Variants in ATRX observed in about 807,000 individuals in gnomAD.
ATRX encodes chromatin remodeler ATRX.
A neutral mutation model predicts 172.6 loss-of-function variants in ATRX; 12 were observed. The observed-to-expected ratio is 0.07, with a 90% CI of 0.04 to 0.11. The LOEUF is 0.11. Among genes scored for constraint, ATRX ranks in the 10% least tolerant of loss-of-function variants. ATRX has a pLI of 1.00. For synonymous variants in ATRX, 674 were observed against 594.7 expected, an observed-to-expected ratio of 1.13 and a Z score of -1.94; for missense variants, 1,368 against 1,767.4, an observed-to-expected ratio of 0.77 and a Z score of 4.05.
At position 77,682,124 on chromosome X, in the gene ATRX, C is replaced by G; in HGVS notation, c.3132G>C (p.Lys1044Asn). The stretch of plus-strand genomic sequence containing the variant: ...TTTTATCTCTTATTTTTTTACTTTT[C>G]TTTTCTCCATCAGTTGTTCCATTCT... Reference protein sequence around the residue: ...QIKNGTTDGEKKSKKIRDKTS... With the variant: ...QIKNGTTDGENKSKKIRDKTS... The change falls in exon 9 of 35, where the codon AAG (lysine) becomes AAC (asparagine). Residue 1044 changes from lysine to asparagine, a missense_variant. Around this residue, in one of 17 missense-constraint regions of ATRX, gnomAD observed 843 missense variants for 643.1 expected, o/e 1.31. Coordinates refer to ENST00000373344, the MANE Select transcript of ATRX (RefSeq NM_000489.6). 1 of 1,209,833 alleles carries G rather than the reference C, an allele frequency of 8.3e-7. No individual in the cohort carries two copies. The highest frequency in any genetic ancestry group is 1.1e-6 in the Non-Finnish European group (1 of 894,307).
intron 30 of ATRX, among the ~76,000 whole-genome samples, chrX:77,549,835 A>G (rs1029799594): frequency 2.7e-5 from 3 of 112,024 alleles, no homozygotes; most frequent in Non-Finnish European, 3.8e-5. Context: ...AAAATAATAA[A>G]GTGGACAGGC....
chrX:77,668,786 T>A (rs1313885307), intron 10 of ATRX, among the ~76,000 whole-genome samples: 3 of 79,961 alleles, frequency 3.8e-5, no homozygotes, highest in Non-Finnish European at 7.5e-5. Context: ...AAAGCACAAA[T>A]AAAATAATAA....
intron 2 of ATRX, chrX:77,698,967 T>C (rs782013697): frequency 4.2e-6 from 1 of 236,970 alleles, no homozygotes; most frequent in Non-Finnish European, 7.6e-6. Flanking sequence ...CAATAAAGTA[T>C]ATTTCATTTT....
chrX:77,651,961 A>C, intron 15 of ATRX, 153 bp downstream of exon 15: 1 of 501,040 alleles, frequency 2.0e-6, no homozygotes, highest in Non-Finnish European at 3.4e-6. Flanking sequence ...GAAATAAATT[A>C]AGGCTGGGTG....
intron 6 of ATRX, among the ~76,000 whole-genome samples, chrX:77,689,885 C>T (rs1387119242): frequency 1.8e-5 from 2 of 112,027 alleles, no homozygotes; most frequent in Admixed American, 9.5e-5. Context: ...ATTCAGAAGT[C>T]ACTCAAAATG....
In ATRX at chrX:77,629,324, T is replaced by C. The variant is rs191013640; in HGVS notation, c.5134+3883A>G. On this transcript the variant is annotated intron_variant, in intron 19 of 34. Coordinates refer to ENST00000373344, the MANE Select transcript of ATRX (RefSeq NM_000489.6). The stretch of plus-strand genomic sequence containing the variant: ...ACATGTACTGGAAAATTAAGTGTTA[T>C]ACTGAACAGATCCCTTCTAATAAAT... Among the ~76,000 whole-genome samples the C allele has an allele frequency of 2.1e-4, 24 of 112,731 alleles. No individual in the cohort carries two copies. In the East Asian group the frequency reaches 6.4e-3, roughly 30 times the overall value.
intron 6 of ATRX, among the ~76,000 whole-genome samples, chrX:77,693,448 C>T (rs782643050): frequency 2.7e-5 from 3 of 111,887 alleles, no homozygotes; most frequent in East Asian, 5.6e-4. Flanking sequence ...TGCAGATGTA[C>T]GTCACTCTAT....
Position 77,683,106 on chromosome X carries a change from G to A in ATRX, c.2150C>T (p.Pro717Leu), listed in dbSNP as rs372617572. ...AIDNPKPNKL[P>L]KSKQSETVDQ... ...CACAGTCTCTGATTGCTTAGATTTT[G>A]GCAATTTATTAGGCTTAGGATTATC... Residue 717 changes from proline (P) to leucine (L), a missense_variant, in exon 9 of 35, where the codon CCA becomes CTA. Around this residue, in one of 17 missense-constraint regions of ATRX, gnomAD observed 843 missense variants for 643.1 expected, o/e 1.31. Coordinates refer to ENST00000373344, the MANE Select transcript of ATRX (RefSeq NM_000489.6). 7.4e-6 allele frequency: 9 copies of A among 1,208,784 alleles called. No homozygotes were observed. In the African/African-American group the frequency reaches 1.6e-4, roughly 21 times the overall value.
At chrX:77,673,793 GT>G (rs1156624847) in intron 10 of ATRX, among the ~76,000 whole-genome samples, 1 of 110,512 alleles carries the variant, frequency 9.0e-6, no homozygotes, top group Non-Finnish European at 1.9e-5. Context: ...ATATATATAA[GT>G]ATATATGTTA....
At chrX:77,581,743 T>C (rs1378439192) in intron 27 of ATRX, among the ~76,000 whole-genome samples, 1 of 112,334 alleles carries the variant, frequency 8.9e-6, no homozygotes, top group Non-Finnish European at 1.9e-5. Context: ...TACACATTTT[T>C]TTCCTCAGCA....
At chrX:77,747,667 A>G (rs1343628173) in intron 1 of ATRX, among the ~76,000 whole-genome samples, 3 of 111,784 alleles carry the variant, frequency 2.7e-5, no homozygotes, top group African/African-American at 9.7e-5. Flanking sequence ...ATAAAACCTG[A>G]CCTCAAGGAG....
chrX:77,548,826 A>G, intron 30 of ATRX, among the ~76,000 whole-genome samples: 1 of 112,164 alleles, frequency 8.9e-6, no homozygotes, highest in African/African-American at 3.2e-5. Flanking sequence ...AAGAAAGGGG[A>G]GAACACTGCA....
chrX:77,522,242 C>T, intron 32 of ATRX, 21 bp downstream of exon 32: 1 of 1,210,118 alleles, frequency 8.3e-7, no homozygotes, highest in Non-Finnish European at 1.1e-6. Context: ...TGTCAAACTA[C>T]TTTTGTACTT....
At chrX:77,735,218 TTGGGAGGCCGAGACGGCCAGAC>T (rs2074487522) in intron 1 of ATRX, among the ~76,000 whole-genome samples, 1 of 112,053 alleles carries the variant, frequency 8.9e-6, no homozygotes, top group African/African-American at 3.2e-5. Flanking sequence ...TCTCAGCAGT[TTGGGAGGCCGAGACGGCCAGAC>T]CACCTGAGGT....
intron 1 of ATRX, among the ~76,000 whole-genome samples, chrX:77,722,944 G>A (rs1479138914): frequency 8.9e-6 from 1 of 112,081 alleles, no homozygotes; most frequent in Non-Finnish European, 1.9e-5. Context: ...TAACCCAAAT[G>A]CCCATCAGTG....
At chrX:77,781,885 C>T (rs962701032) in intron 1 of ATRX, among the ~76,000 whole-genome samples, 1 of 112,128 alleles carries the variant, frequency 8.9e-6, no homozygotes, top group Non-Finnish European at 1.9e-5. Flanking sequence ...TAAGTTTATT[C>T]AGACCCCAAA....
At chrX:77,541,450 C>A (rs935756847) in intron 30 of ATRX, among the ~76,000 whole-genome samples, 9 of 111,984 alleles carry the variant, frequency 8.0e-5, no homozygotes, top group African/African-American at 2.9e-4. Flanking sequence ...AAGAGGGAAT[C>A]CTCCCTAACT....
intron 27 of ATRX, among the ~76,000 whole-genome samples, chrX:77,583,376 T>C (rs1602648300): frequency 2.7e-5 from 3 of 110,254 alleles, no homozygotes; most frequent in Admixed American, 1.9e-4. Flanking sequence ...ATGCAAAAAT[T>C]AGTTAGGCGC....
At chrX:77,529,791 GC>G (rs782566395) in intron 30 of ATRX, among the ~76,000 whole-genome samples, 72 of 111,980 alleles carry the variant, frequency 6.4e-4, no homozygotes, top group South Asian at 1.1e-3. Flanking sequence ...TGATGCTAAA[GC>G]AGATTCATAA....
Sources: allele counts gnomAD v4.1 joint callset (sites outside exome capture counted in the v4.1 genomes callset), GRCh38; gene constraint gnomAD v4.1.1; regional missense constraint gnomAD v4.1.1; transcripts MANE v1.5; gene names NCBI Gene and HGNC (gene_info 2026-07-23, HGNC 2026-07-21).